Variants in CASK observed in about 807,000 individuals in gnomAD.
CASK encodes peripheral plasma membrane protein CASK.
Under a neutral mutation model 82.9 loss-of-function variants are expected in CASK, and 4 were observed. That is an observed-to-expected ratio of 0.05 (90% CI 0.02 to 0.11). The LOEUF (loss-of-function observed/expected upper bound fraction) is 0.11. Among genes scored for constraint, CASK ranks in the 10% least tolerant of loss-of-function variants. The pLI, the probability that CASK is intolerant of heterozygous loss-of-function variation, is 1.00. For synonymous variants in CASK, 259 were observed against 253.5 expected (o/e 1.02, Z -0.20); for missense variants, 358 against 720.9 (o/e 0.50, Z 5.76).
chrX:41,662,652 G>A (rs2067054783), intron 7 of CASK, among the ~76,000 whole-genome samples: 1 of 109,133 alleles, frequency 9.2e-6, no homozygotes, highest in Non-Finnish European at 1.9e-5. Context: ...TTGGCTGGGT[G>A]TCGTGGTGCA....
chrX:41,613,172 G>A (rs1315894751), intron 11 of CASK, among the ~76,000 whole-genome samples: 2 of 112,519 alleles, frequency 1.8e-5, no homozygotes, highest in African/African-American at 6.4e-5. Flanking sequence ...TGACAATGGC[G>A]GTTTTGTGGA....
intron 2 of CASK, among the ~76,000 whole-genome samples, chrX:41,812,128 C>T (rs1461495046): frequency 1.0e-4 from 11 of 109,787 alleles, no homozygotes; most frequent in Admixed American, 6.8e-4. Flanking sequence ...GTCCAGGACC[C>T]GACAGATTCA....
At chrX:41,790,058 T>C (rs1052563781) in intron 2 of CASK, 6 of 221,282 alleles carry the variant, frequency 2.7e-5, no homozygotes, top group African/African-American at 1.6e-4. Flanking sequence ...GCCTCCTGAA[T>C]AGCTGGGATT....
Position 41,548,713 on chromosome X carries a change from G to C in CASK, c.2039+5006C>G, listed in dbSNP as rs138307819. On this transcript the variant is annotated intron_variant, in intron 21 of 26. Transcript: ENST00000378163. ...AGAACTAAAAGGCATAGAATCTTTG[G>C]AAACAAACAGAATTGAGGAATTTTT... Among the ~76,000 whole-genome samples the C allele has an allele frequency of 1.4e-3, 155 of 111,838 alleles. 2 individuals carry two copies. The highest frequency in any genetic ancestry group is 4.9e-3 in the African/African-American group (152 of 30,808).
intron 6 of CASK, among the ~76,000 whole-genome samples, chrX:41,671,110 G>C (rs1041234927): frequency 3.6e-5 from 4 of 111,907 alleles, no homozygotes; most frequent in Non-Finnish European, 5.6e-5. Context: ...TTTTAGATTT[G>C]ACTTCATTTG....
Position 41,578,405 on chromosome X carries a change from T to A in CASK, c.1438A>T (p.Met480Leu), listed in dbSNP as rs2065514700. 1 of 1,207,552 alleles carries A rather than the reference T, an allele frequency of 8.3e-7. No homozygotes were observed. The highest frequency in any genetic ancestry group is 1.1e-6 in the Non-Finnish European group (1 of 891,851). ...ACTCTGGTCACATTCTCCATATCCA[T>A]GTCTCCGTTAGCACTTTCTGGAGAA... Reference protein sequence around the residue: ...GDSPESANGDMDMENVTRVRL... With the variant: ...GDSPESANGDLDMENVTRVRL... The change falls in exon 15 of 27, where the codon ATG becomes TTG. Residue 480 changes from methionine to leucine, a missense_variant. Physicochemically the swap from Met to Leu is conservative, Grantham distance 15 (BLOSUM62 2). Transcript: ENST00000378163.
At chrX:41,749,245 C>T (rs1185636515) in intron 3 of CASK, among the ~76,000 whole-genome samples, 1 of 106,539 alleles carries the variant, frequency 9.4e-6, no homozygotes, top group Non-Finnish European at 1.9e-5. Flanking sequence ...GCTGAGATTG[C>T]ACCACTGCAC....
rs765684451 is a variant in CASK, at chrX:41,777,124, G to A, written c.278+10054C>T. ...CAATACTACATAGCAATAAAATAAA[G>A]GAACAGCTGCACAAAGCAACCAGAT... On this transcript the variant is annotated intron_variant, in intron 3 of 26. Transcript: ENST00000378163. 1.2e-4 allele frequency among the ~76,000 whole-genome samples: 13 copies of A among 111,855 alleles called. No homozygotes were observed. In the Admixed American group the frequency reaches 1.2e-3, roughly 11 times the overall value.
At chrX:41,547,358 T>C (rs1005879572) in intron 21 of CASK, among the ~76,000 whole-genome samples, 1 of 111,665 alleles carries the variant, frequency 9.0e-6, no homozygotes, top group African/African-American at 3.3e-5. Flanking sequence ...ATTTGTTTGT[T>C]GTAGAAACTA....
At chrX:41,627,076 C>A (rs769005928) in intron 9 of CASK, among the ~76,000 whole-genome samples, 1 of 111,938 alleles carries the variant, frequency 8.9e-6, no homozygotes, top group South Asian at 3.8e-4. Context: ...ATTATAATCT[C>A]ATTTTTGGGT....
At position 41,795,246 on chromosome X, in the gene CASK, A is replaced by G. The variant is rs2069826345; in HGVS notation, c.173-7963T>C. ...ATTTGAAAAAGGACCAAGAAAAATG[A>G]GTTAATTGTTTTGATAAATACTTTG... On this transcript the variant is annotated intron_variant, in intron 2 of 26. Coordinates refer to ENST00000378163, the MANE Select transcript of CASK (RefSeq NM_001367721.1). 2.7e-5 allele frequency among the ~76,000 whole-genome samples: 3 copies of G among 112,708 alleles called. No homozygotes were observed. In the South Asian group the frequency reaches 1.1e-3, roughly 41 times the overall value.
chrX:41,751,414 A>G (rs1166957631), intron 3 of CASK, among the ~76,000 whole-genome samples: 1 of 111,494 alleles, frequency 9.0e-6, no homozygotes, highest in Non-Finnish European at 1.9e-5. Context: ...TTTTTGTTAA[A>G]GCTTGTGAGA....
At chrX:41,716,528 AATG>A (rs1223996692) in intron 5 of CASK, among the ~76,000 whole-genome samples, 1 of 112,073 alleles carries the variant, frequency 8.9e-6, no homozygotes, top group African/African-American at 3.3e-5. Context: ...ACACTGGTAT[AATG>A]ATCACTCTTT....
At chrX:41,818,534 T>A (rs1295988898) in intron 2 of CASK, among the ~76,000 whole-genome samples, 2 of 109,503 alleles carry the variant, frequency 1.8e-5, no homozygotes, top group Admixed American at 9.8e-5. Context: ...ACCCGAGGGG[T>A]CAAGGTTACA....
intron 5 of CASK, among the ~76,000 whole-genome samples, chrX:41,686,615 A>G (rs2067445625): frequency 9.0e-6 from 1 of 111,085 alleles, no homozygotes; most frequent in Non-Finnish European, 1.9e-5. Flanking sequence ...GAACCACTGG[A>G]CTAAGGAAAT....
intron 8 of CASK, among the ~76,000 whole-genome samples, chrX:41,648,506 C>G (rs764389214): frequency 1.3e-4 from 15 of 111,140 alleles, no homozygotes; most frequent in African/African-American, 4.6e-4. Context: ...TTGAAAATCC[C>G]TAATAAAAAC....
intron 12 of CASK, among the ~76,000 whole-genome samples, chrX:41,602,349 C>CT (rs1484675856): frequency 6.3e-5 from 7 of 111,130 alleles, no homozygotes; most frequent in Non-Finnish European, 1.3e-4. Flanking sequence ...CTATTTTATT[C>CT]TTTTTATAAT....
intron 11 of CASK, among the ~76,000 whole-genome samples, chrX:41,617,569 G>A (rs893764272): frequency 4.5e-5 from 5 of 111,651 alleles, no homozygotes; most frequent in African/African-American, 9.8e-5. Context: ...TTCTAGTTCC[G>A]TTATTTCTTT....
chrX:41,561,287 A>G (rs2065225154), intron 17 of CASK, among the ~76,000 whole-genome samples: 1 of 110,919 alleles, frequency 9.0e-6, no homozygotes, highest in Admixed American at 9.7e-5. Context: ...GGTTTTCTTT[A>G]ATCATCTGCT....
Sources: allele counts gnomAD v4.1 joint callset (sites outside exome capture counted in the v4.1 genomes callset), GRCh38; gene constraint gnomAD v4.1.1; transcripts MANE v1.5; gene names NCBI Gene and HGNC (gene_info 2026-07-23, HGNC 2026-07-21).